PAPLN: variants seen among roughly 807,000 people sequenced by gnomAD.
The protein encoded by PAPLN is papilin.
PAPLN carries 146 observed loss-of-function variants against 159.0 expected under a neutral mutation model. That is an observed-to-expected ratio of 0.92 (90% confidence interval 0.80 to 1.05). The LOEUF (loss-of-function observed/expected upper bound fraction) is 1.05. Among genes scored for constraint, PAPLN ranks in the 50% least tolerant of loss-of-function variants. PAPLN has a pLI of 0.00. For synonymous variants in PAPLN, 734 were observed against 702.9 expected, an observed-to-expected ratio of 1.04 and a Z score of -0.70; for missense variants, 1,720 against 1,743.9, an observed-to-expected ratio of 0.99 and a Z score of 0.24.
chr14:73,263,604 C>A (rs756713992), intron 19 of PAPLN, 41 bp from the exon 20 acceptor site: 1 of 1,612,348 alleles, frequency 6.2e-7, no homozygotes, highest in Middle Eastern at 1.7e-4. Flanking sequence ...CTGGTCCTGG[C>A]GCTCATGCCA....
In PAPLN at chr14:73,244,720, G is replaced by C; in HGVS notation, c.131G>C (p.Gly44Ala). ...AGCCCCTGCAGCCGGACCTGTGGAG[G>C]GGGTGTCAGCTTCCGGGAGCGCCCC... ...QWSPCSRTCG[G>A]GVSFRERPCY... Residue 44 changes from glycine to alanine, a missense_variant, in exon 3 of 27, where the codon GGG becomes GCG. Physicochemically the swap from Gly to Ala is moderately conservative, Grantham distance 60 (BLOSUM62 0). Coordinates refer to ENST00000644200, the MANE Select transcript of PAPLN (RefSeq NM_001365906.3). The C allele has an allele frequency of 1.3e-6, 2 of 1,594,330 alleles. No individual in the cohort carries two copies. Among genetic ancestry groups the C allele is most frequent in the South Asian group, 1.1e-5 (1 of 87,636 alleles).
rs963887290 is a variant in PAPLN, at chr14:73,261,082, C to A, written c.2107-74C>A. On this transcript the variant is annotated intron_variant, in intron 17 of 26. Coordinates refer to ENST00000644200, the MANE Select transcript of PAPLN (RefSeq NM_001365906.3). ...TCTGGCCCCTCCTTCCTGCCATCCTCCCCGTGGCAGCCCAGAGTCCCCAAC... is the reference window on the plus strand; with the variant it reads ...TCTGGCCCCTCCTTCCTGCCATCCTACCCGTGGCAGCCCAGAGTCCCCAAC... 4.5e-5 allele frequency: 72 copies of A among 1,609,712 alleles called. No individual in the cohort carries two copies. The Admixed American group carries it at 1.2e-3, about 26-fold the overall frequency.
At chr14:73,264,182 C>T (rs756149912) in intron 20 of PAPLN, 29 bp from the exon 21 acceptor site, 1 of 1,612,352 alleles carries the variant, frequency 6.2e-7, no homozygotes, top group Non-Finnish European at 8.5e-7. Flanking sequence ...GAGCCCAGAG[C>T]TCATGTCCTC....
chr14:73,261,866 AT>A (rs1254198599), intron 18 of PAPLN, among the ~76,000 whole-genome samples: 3 of 151,930 alleles, frequency 2.0e-5, no homozygotes, highest in Non-Finnish European at 2.9e-5. Flanking sequence ...GGCTGCTGGA[AT>A]GGCAGGCTGG....
rs760779148 is a variant in PAPLN at position 73,254,904 on chromosome 14, C to T, written c.1513C>T (p.Arg505Trp). ...CTCCAAGAGCTGCAGCTCGGGCACT[C>T]GGAGGCGACAGGTCATCTGTGCCAT... ...LCSKSCSSGT[R>W]RRQVICAIGP... Residue 505 changes from arginine to tryptophan, a missense_variant, in exon 14 of 27, where the codon CGG (arginine) becomes TGG (tryptophan). Arg to Trp is a moderately radical substitution (Grantham distance 101). Transcript: ENST00000644200. 64 of 1,612,608 alleles carry T rather than the reference C, an allele frequency of 4.0e-5. No homozygotes were observed. Among genetic ancestry groups the T allele is most frequent in the Admixed American group, 1.8e-4 (11 of 59,986 alleles).
intron 5 of PAPLN, among the ~76,000 whole-genome samples, chr14:73,248,110 CGT>C (rs1349671353): frequency 2.6e-4 from 8 of 31,110 alleles, no homozygotes; most frequent in African/African-American, 1.1e-3. Flanking sequence ...TGTGTGTGCG[CGT>C]GTGTGTGTTG....
rs746911057 is a variant in PAPLN at position 73,259,557 on chromosome 14, A to C, written c.1985+12A>C. 3.6e-5 allele frequency: 54 copies of C among 1,516,204 alleles called. No individual in the cohort carries two copies. The highest frequency in any genetic ancestry group is 4.6e-5 in the Non-Finnish European group (52 of 1,130,854). 93.9% of individuals were successfully genotyped at this position (1,516,204 alleles called of 1,614,324 possible). ...TGTCAGCAGAGCAGGTGGGTGCTGG[A>C]GACAGGTCTTCCTCCTCCCCCGTCA... On this transcript the variant is annotated intron_variant, in intron 16 of 26. Transcript: ENST00000644200.
chr14:73,261,351 C>T, intron 18 of PAPLN, 57 bp downstream of exon 18: 2 of 1,578,236 alleles, frequency 1.3e-6, no homozygotes, highest in South Asian at 2.3e-5. Context: ...CCCACCATGC[C>T]TCCAGCCCCC....
rs1566710914 is a variant in PAPLN at position 73,268,688 on chromosome 14, T to A, written c.3632T>A (p.Val1211Asp). ...AGTGCCTACCAGGGGAGCCAGGCAG[T>A]CAGCCGCAGCACCGAGGTGAAGGTG... ...TCSAYQGSQA[V>D]SRSTEVKVVS... The change falls in exon 26 of 27, where the codon GTC (valine) becomes GAC (aspartate). Residue 1211 changes from valine (V) to aspartate (D), a missense_variant. By Grantham distance (152) the Val-to-Asp change is radical. Coordinates refer to ENST00000644200, the MANE Select transcript of PAPLN (RefSeq NM_001365906.3). 6.2e-7 allele frequency: 1 copy of A among 1,613,284 alleles called. No individual in the cohort carries two copies. The highest frequency in any genetic ancestry group is 1.3e-5 in the African/African-American group (1 of 74,890).
At chr14:73,240,703 G>A (rs1437270474) in intron 2 of PAPLN, among the ~76,000 whole-genome samples, 2 of 152,218 alleles carry the variant, frequency 1.3e-5, no homozygotes, top group Non-Finnish European at 2.9e-5. Flanking sequence ...GGTCAGAGCT[G>A]CTGTTTCATT....
rs1886738724 is a variant in PAPLN at position 73,262,811 on chromosome 14, C to T, written c.2707C>T (p.His903Tyr). The T allele has an allele frequency of 1.3e-6, 2 of 1,491,322 alleles. No homozygotes were observed. Among genetic ancestry groups the T allele is most frequent in the African/African-American group, 1.4e-5 (1 of 71,040 alleles). 92.4% of individuals were successfully genotyped at this position (1,491,322 alleles called of 1,614,324 possible). A position where few individuals can be genotyped will look rare whatever the true frequency, so the allele number is the denominator to read the frequency against. The change falls in exon 19 of 27, where the codon CAC becomes TAC. Residue 903 changes from histidine to tyrosine, a missense_variant. Transcript: ENST00000644200. ...GDAGSPAPPF[H>Y]SSSYRISLAG... ...TGCCGGATCACCAGCGCCACCCTTC[C>T]ACAGCTCCTCCTACAGGTGAGGCCC...
intron 14 of PAPLN, among the ~76,000 whole-genome samples, chr14:73,257,368 C>T (rs1886028418): frequency 6.6e-6 from 1 of 151,690 alleles, no homozygotes; most frequent in South Asian, 2.1e-4. Flanking sequence ...GGCACCCTGC[C>T]TCCCAAGCAC....
At chr14:73,268,813 T>C in intron 26 of PAPLN, 90 bp downstream of exon 26, 6 of 1,397,614 alleles carry the variant, frequency 4.3e-6, no homozygotes, top group Non-Finnish European at 5.6e-6. Context: ...TGAGGGACTC[T>C]GGTTTGAATC....
chr14:73,237,637 G>C (rs937476701), intron 1 of PAPLN, 45 bp downstream of exon 1: 3 of 152,208 alleles, frequency 2.0e-5, no homozygotes, highest in Non-Finnish European at 4.4e-5. Flanking sequence ...CCCAGCGGCG[G>C]GGACCCCGCA....
chr14:73,270,960 C>G (rs1207259816), intron 26 of PAPLN, among the ~76,000 whole-genome samples: 1 of 152,126 alleles, frequency 6.6e-6, no homozygotes, highest in Non-Finnish European at 1.5e-5. Context: ...GGTGGTCAGG[C>G]TGAGGTAAAA....
At chr14:73,269,326 A>G (rs559684251) in intron 26 of PAPLN, among the ~76,000 whole-genome samples, 40 of 151,738 alleles carry the variant, frequency 2.6e-4, no homozygotes, top group African/African-American at 9.2e-4. Context: ...CGAAATTACT[A>G]TACTTGTACC....
chr14:73,262,776 T>TG lies in PAPLN; in HGVS notation c.2675dup (p.Gly893TrpfsTer18). ...GAGCTTGGGTCCAGGGCCCCTGGAC[T>TG]GGGTGGAGATGCCGGATCACCAGCG... On this transcript the variant is annotated frameshift_variant, in exon 19 of 27. Coordinates refer to ENST00000644200, the MANE Select transcript of PAPLN (RefSeq NM_001365906.3). LOFTEE classifies it high-confidence loss of function. The TG allele has an allele frequency of 6.7e-7, 1 of 1,503,702 alleles. No homozygotes were observed. Among genetic ancestry groups the TG allele is most frequent in the Non-Finnish European group, 8.8e-7 (1 of 1,131,286 alleles). The allele number at this position is 1,503,702 out of a possible 1,614,324, so 93.1% of individuals were successfully genotyped here. A position where few individuals can be genotyped will look rare whatever the true frequency, so the allele number is the denominator to read the frequency against.
rs954134611 is a variant in PAPLN at position 73,273,820 on chromosome 14, C to G, written c.*1156C>G. On this transcript the variant is annotated 3_prime_UTR_variant, in exon 27 of 27. Coordinates refer to ENST00000644200, the MANE Select transcript of PAPLN (RefSeq NM_001365906.3). ...CTCTAAATCTGGTGCAGAGGGTTAA[C>G]AGCATAACCCTTGTTGGCAAAATGG... 2 of 152,220 alleles carry G rather than the reference C, an allele frequency of 1.3e-5. No individual in the cohort carries two copies. Among genetic ancestry groups the G allele is most frequent in the African/African-American group, 4.8e-5 (2 of 41,440 alleles). The allele number at this position is 152,220 out of a possible 1,614,324, so 9.4% of individuals were successfully genotyped here.
chr14:73,258,759 A>G (rs1335856898), intron 14 of PAPLN, among the ~76,000 whole-genome samples: 1 of 152,180 alleles, frequency 6.6e-6, no homozygotes, highest in Non-Finnish European at 1.5e-5. Flanking sequence ...CCCTGTCTCA[A>G]AAAAGATGAG....
Sources: gnomAD v4.1 joint callset for allele counts (sites outside exome capture counted in the v4.1 genomes callset) on GRCh38, gnomAD v4.1.1 for gene constraint, MANE v1.5 for transcripts, NCBI Gene and HGNC (gene_info 2026-07-23, HGNC 2026-07-21) for gene names.